CD38: variants seen among roughly 807,000 people sequenced by gnomAD.
The protein encoded by CD38 is ADP-ribosyl cyclase/cyclic ADP-ribose hydrolase 1.
A neutral mutation model predicts 36.3 loss-of-function variants in CD38; 31 were observed. The ratio of observed to expected loss-of-function variants is 0.85; its 90% confidence interval spans 0.64 to 1.15. The LOEUF is 1.15. Ranked by LOEUF, CD38 falls within the 50% of genes most tolerant of loss-of-function variation. CD38 has a pLI of 0.00. For synonymous variants in CD38, 131 were observed against 135.2 expected (o/e 0.97, Z 0.22); for missense variants, 380 against 371.9 (o/e 1.02, Z -0.18).
intron 1 of CD38, among the ~76,000 whole-genome samples, chr4:15,811,684 T>C (rs987743717): frequency 1.3e-5 from 2 of 152,112 alleles, no homozygotes; most frequent in Non-Finnish European, 1.5e-5. Flanking sequence ...GGGAAGCCAA[T>C]ATTATGGAAC....
At chr4:15,838,194 A>AAC in intron 5 of CD38, 29 bp downstream of exon 5, 1 of 1,482,548 alleles carries the variant, frequency 6.7e-7, no homozygotes, top group Non-Finnish European at 9.4e-7. Context: ...TCCTGTTTGC[A>AAC]AGTATCCTGT....
chr4:15,811,985 C>A (rs1221233265), intron 1 of CD38, among the ~76,000 whole-genome samples: 2 of 152,142 alleles, frequency 1.3e-5, no homozygotes, highest in Non-Finnish European at 2.9e-5. Context: ...TGACCATTTT[C>A]TTCTGTGGTG....
chr4:15,782,795 T>C (rs1722727262), intron 1 of CD38, among the ~76,000 whole-genome samples: 1 of 152,206 alleles, frequency 6.6e-6, no homozygotes, highest in African/African-American at 2.4e-5. Flanking sequence ...TCCTTGGTTG[T>C]CCTTTTCCAA....
At chr4:15,841,072 T>C (rs1471575880) in intron 7 of CD38, among the ~76,000 whole-genome samples, 1 of 152,252 alleles carries the variant, frequency 6.6e-6, no homozygotes, top group East Asian at 1.9e-4. Context: ...ATTTTTCTGA[T>C]AATTTGTGTT....
chr4:15,841,725 G>A (rs534474928), intron 7 of CD38, among the ~76,000 whole-genome samples: 10 of 148,972 alleles, frequency 6.7e-5, no homozygotes, highest in African/African-American at 2.5e-4. Context: ...AGCCGAAGCA[G>A]GGCGAGGCAT....
In CD38 at chr4:15,826,183, C is replaced by T. The variant is rs374410269; in HGVS notation, c.499+1167C>T. ...AAAAGCAAATGTCACTCTGAATTTT[C>T]CCTTCACCTCCTACCTCCGCATCAC... On this transcript the variant is annotated intron_variant, in intron 3 of 7. Transcript: ENST00000226279. 2.5e-4 allele frequency: 38 copies of T among 152,186 alleles called. No individual in the cohort carries two copies. The East Asian group carries it at 6.6e-3, about 26-fold the overall frequency. 9.4% of individuals were successfully genotyped at this position (152,186 alleles called of 1,614,324 possible).
Position 15,848,707 on chromosome 4 carries a change from T to G in CD38, c.*105T>G, listed in dbSNP as rs1803404. On this transcript the variant is annotated 3_prime_UTR_variant, in exon 8 of 8. Coordinates refer to ENST00000226279, the MANE Select transcript of CD38 (RefSeq NM_001775.4). Reference sequence around the variant, plus strand: ...CAGAGCTGAAGATTTTGGAGGGTCCTCCACAATAAGGTCAATGCCAGAGAC... The same window carrying G: ...CAGAGCTGAAGATTTTGGAGGGTCCGCCACAATAAGGTCAATGCCAGAGAC... 0.033 allele frequency: 28,265 copies of G among 867,486 alleles called. 799 individuals are homozygous for G. Among genetic ancestry groups the G allele is most frequent in the African/African-American group, 0.11 (6,383 of 60,166 alleles). The allele number at this position is 867,486 out of a possible 1,614,324, so 53.7% of individuals were successfully genotyped here. A position where few individuals can be genotyped will look rare whatever the true frequency, so the allele number is the denominator to read the frequency against.
At chr4:15,786,968 G>C (rs567684397) in intron 1 of CD38, among the ~76,000 whole-genome samples, 126 of 152,372 alleles carry the variant, frequency 8.3e-4, no homozygotes, top group African/African-American at 3.0e-3. Flanking sequence ...CTCCACAGCT[G>C]CTGGCCTGGG....
chr4:15,805,896 T>C lies in CD38; in HGVS notation c.234-10615T>C, dbSNP rs2148919616. The stretch of plus-strand genomic sequence containing the variant: ...TTGTTTTCTTTGAGCCCAGACAGCC[T>C]GCCCTATGGGAACTGACAGCTGTAA... On this transcript the variant is annotated intron_variant, in intron 1 of 7. Coordinates refer to ENST00000226279, the MANE Select transcript of CD38 (RefSeq NM_001775.4). 2.0e-5 allele frequency among the ~76,000 whole-genome samples: 3 copies of C among 152,346 alleles called. No individual in the cohort carries two copies. The Middle Eastern group carries it at 0.01, about 518-fold the overall frequency.
chr4:15,805,444 CT>C (rs1406923150), intron 1 of CD38, among the ~76,000 whole-genome samples: 1 of 152,190 alleles, frequency 6.6e-6, no homozygotes, highest in East Asian at 1.9e-4. Context: ...CTCCTCCCCC[CT>C]CACTCTTGAC....
Position 15,800,833 on chromosome 4 carries a change from G to A in CD38, c.234-15678G>A, listed in dbSNP as rs186227402. ...AAAGTTCATAGTAATGATTGCCTAC[G>A]TCAAAAAAGTAGAAAGATTTAAAAC... On this transcript the variant is annotated intron_variant, in intron 1 of 7. Transcript: ENST00000226279. Among the ~76,000 whole-genome samples, 12 of 151,988 alleles carry A rather than the reference G, an allele frequency of 7.9e-5. No individual in the cohort carries two copies. The East Asian group carries it at 9.7e-4, about 12-fold the overall frequency.
intron 1 of CD38, among the ~76,000 whole-genome samples, chr4:15,790,974 G>A (rs549961834): frequency 2.7e-5 from 4 of 146,678 alleles, no homozygotes; most frequent in Non-Finnish European, 6.0e-5. Flanking sequence ...GAGCCCCTCC[G>A]TCCGGCGGCC....
intron 1 of CD38, among the ~76,000 whole-genome samples, chr4:15,810,938 A>G (rs1245763665): frequency 1.3e-5 from 2 of 152,332 alleles, no homozygotes; most frequent in East Asian, 3.9e-4. Context: ...GTGAGTTTCA[A>G]ATGGGACATA....
At chr4:15,839,983 G>T (rs375207934) in intron 5 of CD38, 43 bp from the exon 6 acceptor site, 2 of 1,398,536 alleles carry the variant, frequency 1.4e-6, no homozygotes, top group Admixed American at 3.3e-5. Flanking sequence ...GGATGCTTTC[G>T]TTTGGGGTTG....
In CD38 at chr4:15,850,223, T is replaced by C. The variant is rs1724355145; in HGVS notation, c.*1621T>C. On this transcript the variant is annotated 3_prime_UTR_variant, in exon 8 of 8. Transcript: ENST00000226279. ...CTGAGGTGGGAGGATTGTTTGAGCTTGGGAGGTTGAGGCTGCAGGGAGCTG... is the reference window on the plus strand; with the variant it reads ...CTGAGGTGGGAGGATTGTTTGAGCTCGGGAGGTTGAGGCTGCAGGGAGCTG... 6.6e-6 allele frequency: 1 copy of C among 152,134 alleles called. No homozygotes were observed. The highest frequency in any genetic ancestry group is 2.1e-4 in the South Asian group (1 of 4,824). The allele number at this position is 152,134 out of a possible 1,614,324, so 9.4% of individuals were successfully genotyped here.
intron 1 of CD38, among the ~76,000 whole-genome samples, chr4:15,795,001 G>C (rs977855909): frequency 3.9e-5 from 6 of 152,150 alleles, no homozygotes; most frequent in Non-Finnish European, 5.9e-5. Context: ...AGTATAGTGA[G>C]TCAGTTAAAT....
chr4:15,788,037 C>G (rs1722880248), intron 1 of CD38, among the ~76,000 whole-genome samples: 1 of 152,218 alleles, frequency 6.6e-6, no homozygotes, highest in South Asian at 2.1e-4. Flanking sequence ...CTTATTCTCC[C>G]CCGAAGCTTT....
intron 1 of CD38, among the ~76,000 whole-genome samples, chr4:15,815,513 C>A (rs1193185205): frequency 6.6e-6 from 1 of 151,922 alleles, no homozygotes; most frequent in Non-Finnish European, 1.5e-5. Flanking sequence ...GTATTTTATT[C>A]TCTTTGTAGC....
chr4:15,805,971 C>T (rs767970662), intron 1 of CD38, among the ~76,000 whole-genome samples: 1 of 152,094 alleles, frequency 6.6e-6, no homozygotes, highest in Non-Finnish European at 1.5e-5. Context: ...TGCTTTTAGG[C>T]AAGAGGATTT....
Sources: allele counts gnomAD v4.1 joint callset (sites outside exome capture counted in the v4.1 genomes callset), GRCh38; gene constraint gnomAD v4.1.1; transcripts MANE v1.5; gene names NCBI Gene and HGNC (gene_info 2026-07-23, HGNC 2026-07-21).